Variants in HSPH1 observed in about 807,000 individuals in gnomAD.
HSPH1 encodes the protein heat shock protein family H (Hsp110) member 1.
Under a neutral mutation model 100.0 loss-of-function variants are expected in HSPH1, and 40 were observed. That is an observed-to-expected ratio of 0.40 (90% CI 0.31 to 0.52). HSPH1 has a LOEUF of 0.52. Ranked by LOEUF, HSPH1 falls within the 20% of genes least tolerant of loss-of-function variation. The pLI, the probability that HSPH1 is intolerant of heterozygous loss-of-function variation, is 0.54. For missense variants in HSPH1, 876 were observed against 1,015.1 expected (o/e 0.86, Z 1.86); for synonymous variants, 403 against 344.0 (o/e 1.17, Z -1.90).
chr13:31,155,237 C>T (rs889437194), intron 3 of HSPH1, among the ~76,000 whole-genome samples: 1 of 152,152 alleles, frequency 6.6e-6, no homozygotes, highest in East Asian at 1.9e-4. Context: ...TACATGAACA[C>T]AATGTCGATT....
intron 8 of HSPH1, among the ~76,000 whole-genome samples, chr13:31,149,708 T>A (rs1206407387): frequency 6.6e-6 from 1 of 152,242 alleles, no homozygotes; most frequent in Non-Finnish European, 1.5e-5. Context: ...TTTTCTGTGA[T>A]ATCCTCAGAA....
Position 31,158,872 on chromosome 13 carries a change from A to G in HSPH1, c.108-9T>C. 6.5e-7 allele frequency: 1 copy of G among 1,536,070 alleles called. No homozygotes were observed. Among genetic ancestry groups the G allele is most frequent in the South Asian group, 1.1e-5 (1 of 89,230 alleles). ...CAAATGATATGACTGACCTAGAAAA[A>G]AATATATTCCAAAAAATTAAAAAGC... is the stretch of plus-strand genomic sequence containing the variant. On this transcript the variant is annotated splice_polypyrimidine_tract_variant and intron_variant, in intron 1 of 17. Transcript: ENST00000320027.
chr13:31,140,571 AT>A (rs1379215098), intron 13 of HSPH1: 3 of 275,952 alleles, frequency 1.1e-5, no homozygotes, highest in East Asian at 1.3e-4. Flanking sequence ...AAAAAAAAAA[AT>A]CAAGCTACTG....
Position 31,139,142 on chromosome 13 carries a change from G to A in HSPH1, c.1981-35C>T, listed in dbSNP as rs200800025. On this transcript the variant is annotated intron_variant, in intron 14 of 17. Coordinates refer to ENST00000320027, the MANE Select transcript of HSPH1 (RefSeq NM_006644.4). ...AAATATGACAATATTAGTGGCACTCGTACTTCAGAATTTTTCACAACAAAA... is the reference window on the plus strand; with the variant it reads ...AAATATGACAATATTAGTGGCACTCATACTTCAGAATTTTTCACAACAAAA... The A allele has an allele frequency of 4.8e-5, 62 of 1,284,260 alleles. 1 individual carries two copies. In the African/African-American group the frequency reaches 7.9e-4, roughly 16 times the overall value. The allele number at this position is 1,284,260 out of a possible 1,614,324, so 79.6% of individuals were successfully genotyped here.
intron 3 of HSPH1, 119 bp downstream of exon 3, chr13:31,155,395 A>G: frequency 1.4e-6 from 1 of 717,232 alleles, no homozygotes; most frequent in Non-Finnish European, 2.2e-6. Context: ...GGAGCTGAAT[A>G]AAAAAAGAAC....
intron 9 of HSPH1, 39 bp from the exon 10 acceptor site, chr13:31,148,131 C>A: frequency 6.3e-7 from 1 of 1,580,228 alleles, no homozygotes; most frequent in Non-Finnish European, 8.6e-7. Context: ...AGATGAAGAA[C>A]TTAAAATATG....
In HSPH1 at chr13:31,155,552, C is replaced by T. The variant is rs775598360; in HGVS notation, c.268G>A (p.Asp90Asn). The T allele has an allele frequency of 1.6e-5, 25 of 1,611,816 alleles. No individual in the cohort carries two copies. The highest frequency in any genetic ancestry group is 2.7e-5 in the African/African-American group (2 of 74,872). Residue 90 changes from aspartate to asparagine, a missense_variant, in exon 3 of 18, where the codon GAT (aspartate) becomes AAT (asparagine). Transcript: ENST00000320027. ...IQKEKENLSY[D>N]LVPLKNGGVG... is the part of the protein sequence containing the mutation. ...CCACCATTTTTCAATGGAACCAAAT[C>T]GTAACTCAAGTTTTCCTTCTCCTTT...
At position 31,135,631 on chromosome 13, in the gene HSPH1, A is replaced by T. The variant is rs549682755; in HGVS notation, c.*1687T>A. The stretch of plus-strand genomic sequence containing the variant: ...GCACCTATCAGACGTACAAATGACG[A>T]GCTACCTGGTCTAGATGGAATGAAG... On this transcript the variant is annotated 3_prime_UTR_variant, in exon 18 of 18. Coordinates refer to ENST00000320027, the MANE Select transcript of HSPH1 (RefSeq NM_006644.4). 8.5e-5 allele frequency: 13 copies of T among 152,354 alleles called. No individual in the cohort carries two copies. The highest frequency in any genetic ancestry group is 3.4e-3 in the Middle Eastern group (1 of 294). The allele number at this position is 152,354 out of a possible 1,614,324, so 9.4% of individuals were successfully genotyped here. A position where few individuals can be genotyped will look rare whatever the true frequency, so the allele number is the denominator to read the frequency against.
chr13:31,162,203 C>G (rs1308819207), upstream of HSPH1: 13 of 971,592 alleles, frequency 1.3e-5, no homozygotes. Flanking sequence ...CGAAGAATGA[C>G]TCCAAAACTC....
At chr13:31,162,039 T>C (rs758756308), upstream of HSPH1, 23 of 1,536,012 alleles carry the variant, frequency 1.5e-5, no homozygotes, top group Non-Finnish European at 1.9e-5. Flanking sequence ...TCGAGCCTTC[T>C]GGAAAGATTC....
chr13:31,156,321 C>T (rs1956689999), intron 2 of HSPH1, among the ~76,000 whole-genome samples: 1 of 151,922 alleles, frequency 6.6e-6, no homozygotes, highest in African/African-American at 2.4e-5. Flanking sequence ...ACCCAGGAGG[C>T]GGAGCTTGCA....
At chr13:31,145,362 T>A (rs1323741463) in intron 11 of HSPH1, among the ~76,000 whole-genome samples, 1 of 152,180 alleles carries the variant, frequency 6.6e-6, no homozygotes, top group Non-Finnish European at 1.5e-5. Context: ...CAAATTAAGT[T>A]ACACAGAATT....
At chr13:31,143,690 G>A (rs550947668) in intron 12 of HSPH1, 102 bp downstream of exon 12, 4 of 1,038,062 alleles carry the variant, frequency 3.9e-6, no homozygotes, top group African/African-American at 1.7e-5. Context: ...TACACAGAAC[G>A]AAATCAATTG....
intron 8 of HSPH1, among the ~76,000 whole-genome samples, chr13:31,149,372 A>T (rs1956394910): frequency 6.6e-6 from 1 of 152,182 alleles, no homozygotes; most frequent in Non-Finnish European, 1.5e-5. Context: ...AACTTTATTT[A>T]AAACTATATT....
At chr13:31,157,443 A>C (rs1267888660) in intron 2 of HSPH1, among the ~76,000 whole-genome samples, 5 of 152,252 alleles carry the variant, frequency 3.3e-5, no homozygotes, top group South Asian at 2.1e-4. Flanking sequence ...AAAGGATTAG[A>C]AAACATGAAA....
intron 6 of HSPH1, 23 bp from the exon 7 acceptor site, chr13:31,151,214 T>G: frequency 1.3e-6 from 2 of 1,564,876 alleles, no homozygotes; most frequent in Middle Eastern, 1.9e-4. Flanking sequence ...AAACAACAAA[T>G]AGTCTGGTTA....
Position 31,151,615 on chromosome 13 carries a change from T to C in HSPH1, c.657A>G (p.Lys219=). Residue 219 remains lysine, a synonymous_variant, in exon 6 of 18, where the codon AAA becomes AAG. Coordinates refer to ENST00000320027, the MANE Select transcript of HSPH1 (RefSeq NM_006644.4). Reference sequence around the variant, plus strand: ...TTCCAATGTATGACTTTACCTTCAATTTTCCCTTGTTAAAAGCACAAGCAG... The same window carrying C: ...TTCCAATGTATGACTTTACCTTCAACTTTCCCTTGTTAAAAGCACAAGCAG... ...QVSACAFNKG[K]LKVLGTAFDP... is the part of the protein sequence containing the mutation. The C allele has an allele frequency of 1.2e-6, 2 of 1,609,734 alleles. No homozygotes were observed. Among genetic ancestry groups the C allele is most frequent in the Non-Finnish European group, 1.7e-6 (2 of 1,178,700 alleles).
At chr13:31,159,354 G>C (rs537664096) in intron 1 of HSPH1, among the ~76,000 whole-genome samples, 1 of 152,284 alleles carries the variant, frequency 6.6e-6, no homozygotes, top group African/African-American at 2.4e-5. Context: ...TTACACCTCT[G>C]AAGTTTAAAG....
intron 10 of HSPH1, among the ~76,000 whole-genome samples, chr13:31,146,870 G>C (rs1284639863): frequency 1.3e-5 from 2 of 152,126 alleles, no homozygotes; most frequent in Non-Finnish European, 2.9e-5. Flanking sequence ...CCTATTATGT[G>C]CAAAGCTCTA....
Sources: gnomAD v4.1 joint callset for allele counts (sites outside exome capture counted in the v4.1 genomes callset) on GRCh38, gnomAD v4.1.1 for gene constraint, MANE v1.5 for transcripts, NCBI Gene and HGNC (gene_info 2026-07-23, HGNC 2026-07-21) for gene names.